DYRK4: variants seen among roughly 807,000 people sequenced by gnomAD.
DYRK4 encodes the protein dual specificity tyrosine-phosphorylation-regulated kinase 4.
Under a neutral mutation model 68.3 loss-of-function variants are expected in DYRK4, and 64 were observed. The ratio of observed to expected loss-of-function variants is 0.94; its 90% CI spans 0.77 to 1.15. DYRK4 has a LOEUF of 1.15. Among genes scored for constraint, DYRK4 ranks in the 50% most tolerant of loss-of-function variants. The probability of loss-of-function intolerance (pLI) is 0.00; values close to 1 mark genes in which losing one functional copy is unlikely to be tolerated. For missense variants in DYRK4, 740 were observed against 764.7 expected, an observed-to-expected ratio of 0.97 and a Z score of 0.38; for synonymous variants, 274 against 289.9, an observed-to-expected ratio of 0.95 and a Z score of 0.56.
chr12:4,612,574 C>T lies in DYRK4; in HGVS notation c.1522C>T (p.Gln508Ter). Residue 508 changes from glutamine (Q) to a stop codon, truncating the protein, a stop_gained, in exon 14 of 15, where the codon CAG becomes TAG. Transcript: ENST00000543431. LOFTEE classifies it high-confidence loss of function. The part of the protein sequence containing the change: ...WEPSLRMTPD[Q>*]ALKHAWIHQS... ...ACCTTCTCTTCGCATGACCCCGGAC[C>T]AGGCCCTCAAGCATGCTTGGATTCA... 1 of 1,614,210 alleles carries T rather than the reference C, an allele frequency of 6.2e-7. No homozygotes were observed. The highest frequency in any genetic ancestry group is 1.1e-5 in the South Asian group (1 of 91,080).
chr12:4,583,455 A>G (rs1386722692), intron 2 of DYRK4, among the ~76,000 whole-genome samples: 1 of 151,622 alleles, frequency 6.6e-6, no homozygotes, highest in Non-Finnish European at 1.5e-5. Flanking sequence ...CTCTGTGACC[A>G]TTCCCTCTTG....
chr12:4,610,001 T>A, intron 12 of DYRK4, 154 bp from the exon 13 acceptor site: 1 of 419,722 alleles, frequency 2.4e-6, no homozygotes, highest in Non-Finnish European at 4.1e-6. Context: ...TATTTCAAAC[T>A]GAGTGTGTGT....
At chr12:4,567,450 C>A (rs1485116213) in intron 1 of DYRK4, 1 of 153,836 alleles carries the variant, frequency 6.5e-6, no homozygotes, top group African/African-American at 2.4e-5. Context: ...ACACTAGATT[C>A]CATAAATGTG....
rs151142755 is a variant in DYRK4 at position 4,594,402 on chromosome 12, T to G, written c.627+1237T>G. On this transcript the variant is annotated intron_variant, in intron 6 of 14. Transcript: ENST00000543431. ...CCACGCCTGGCTGATTTTTGTATTTTTAGTAGAGGCAGGGTTAAACCGTGT... is the reference window on the plus strand; with the variant it reads ...CCACGCCTGGCTGATTTTTGTATTTGTAGTAGAGGCAGGGTTAAACCGTGT... Among the ~76,000 whole-genome samples the G allele has an allele frequency of 7.7e-3, 1,177 of 152,216 alleles. 12 individuals carry two copies. The highest frequency in any genetic ancestry group is 0.027 in the African/African-American group (1,101 of 41,514).
rs145708938 is a variant in DYRK4 at position 4,577,306 on chromosome 12, T to A, written c.132+9258T>A. The stretch of plus-strand genomic sequence containing the variant: ...CTGGTCTCAAACTCATGACCTCAAG[T>A]GATCCTCTGGCCTCAGCCTCCTTGA... On this transcript the variant is annotated intron_variant, in intron 2 of 14. Coordinates refer to ENST00000543431, the MANE Select transcript of DYRK4 (RefSeq NM_001394779.1). Among the ~76,000 whole-genome samples, 312 of 152,312 alleles carry A rather than the reference T, an allele frequency of 2.0e-3. 3 individuals are homozygous for A. The highest frequency in any genetic ancestry group is 6.9e-3 in the African/African-American group (285 of 41,572).
chr12:4,607,465 T>G lies in DYRK4; in HGVS notation c.1360+78T>G. 3 of 1,507,606 alleles carry G rather than the reference T, an allele frequency of 2.0e-6. No individual in the cohort carries two copies. The South Asian group carries it at 3.4e-5, about 17-fold the overall frequency. The allele number at this position is 1,507,606 out of a possible 1,614,324, so 93.4% of individuals were successfully genotyped here. On this transcript the variant is annotated intron_variant, in intron 12 of 14. Transcript: ENST00000543431. ...TACCTTAAGGCTCATTTCATTCTTT[T>G]CCCCTGGCCACATACCAAAGGGCTG...
chr12:4,585,676 T>TA (rs1213483839), intron 2 of DYRK4, among the ~76,000 whole-genome samples: 3 of 152,134 alleles, frequency 2.0e-5, no homozygotes, highest in Admixed American at 2.0e-4. Flanking sequence ...ATACCTAATG[T>TA]AAATGATGAG....
intron 11 of DYRK4, among the ~76,000 whole-genome samples, 197 bp from the exon 12 acceptor site, chr12:4,607,130 A>T (rs947248362): frequency 5.9e-5 from 9 of 152,182 alleles, no homozygotes; most frequent in Non-Finnish European, 1.3e-4. Context: ...GTTGATTCTT[A>T]GGATATGAAA....
At chr12:4,569,416 G>T (rs1242012222) in intron 2 of DYRK4, among the ~76,000 whole-genome samples, 1 of 152,118 alleles carries the variant, frequency 6.6e-6, no homozygotes, top group African/African-American at 2.4e-5. Context: ...TCATCATGAG[G>T]TTTGCAACTT....
intron 2 of DYRK4, chr12:4,573,381 C>G: frequency 7.8e-7 from 1 of 1,289,228 alleles, no homozygotes; most frequent in Non-Finnish European, 1.0e-6. Flanking sequence ...CTTTGTTCTG[C>G]GTGTTCATTG....
At chr12:4,566,900 A>G (rs1185038285) in intron 1 of DYRK4, among the ~76,000 whole-genome samples, 2 of 152,238 alleles carry the variant, frequency 1.3e-5, no homozygotes, top group Admixed American at 1.3e-4. Context: ...ATCTTTCAAT[A>G]TGCCTGTATA....
chr12:4,580,075 T>C (rs1325065743), intron 2 of DYRK4, among the ~76,000 whole-genome samples: 1 of 152,202 alleles, frequency 6.6e-6, no homozygotes, highest in African/African-American at 2.4e-5. Context: ...TCACATTCAT[T>C]ATCATGATTT....
chr12:4,592,824 G>A, intron 5 of DYRK4, 178 bp from the exon 6 acceptor site: 1 of 632,602 alleles, frequency 1.6e-6, no homozygotes, highest in South Asian at 2.3e-5. Flanking sequence ...ACAAGACCTT[G>A]ACATTTATTC....
In DYRK4 at chr12:4,604,934, C is replaced by T. The variant is rs1413797034; in HGVS notation, c.1147C>T (p.Arg383Trp). The T allele has an allele frequency of 1.2e-6, 2 of 1,610,846 alleles. No individual in the cohort carries two copies. The highest frequency in any genetic ancestry group is 1.7e-6 in the Non-Finnish European group (2 of 1,178,274). ...HQKVYTYIQSRFYRSPEVILG... is the reference protein window; with the variant it reads ...HQKVYTYIQSWFYRSPEVILG... ...CGCAGTATACACGTACATCCAAAGC[C>T]GGTTCTACCGATCCCCAGAAGTGAT... The change falls in exon 11 of 15, where the codon CGG becomes TGG. Residue 383 changes from arginine (R) to tryptophan (W), a missense_variant. Physicochemically the swap from Arg to Trp is moderately radical, Grantham distance 101. Coordinates refer to ENST00000543431, the MANE Select transcript of DYRK4 (RefSeq NM_001394779.1).
At chr12:4,583,159 C>G (rs898515380) in intron 2 of DYRK4, among the ~76,000 whole-genome samples, 26 of 152,180 alleles carry the variant, frequency 1.7e-4, no homozygotes, top group South Asian at 1.0e-3. Flanking sequence ...GCTCCATGAC[C>G]GAGGCTAGAG....
At chr12:4,590,970 T>C in intron 4 of DYRK4, 190 bp from the exon 5 acceptor site, 1 of 661,012 alleles carries the variant, frequency 1.5e-6, no homozygotes, top group Non-Finnish European at 2.5e-6. Flanking sequence ...CCAGGAATAG[T>C]GTCAGTCAGA....
chr12:4,580,316 C>T (rs1478610254), intron 2 of DYRK4, among the ~76,000 whole-genome samples: 2 of 152,186 alleles, frequency 1.3e-5, no homozygotes, highest in African/African-American at 2.4e-5. Context: ...AGGCTGGCCA[C>T]GTTCGTCCCA....
Position 4,597,077 on chromosome 12 carries a change from G to A in DYRK4, c.905+348G>A, listed in dbSNP as rs71459913. On this transcript the variant is annotated intron_variant, in intron 8 of 14. Transcript: ENST00000543431. ...CATTTTCCCCACTCATTGGCTTTCT[G>A]GCCTGGTCGTGCAGAGGCTGAAACC... The A allele has an allele frequency of 2.8e-3, 3,096 of 1,121,968 alleles. 12 individuals carry two copies. Among genetic ancestry groups the A allele is most frequent in the Non-Finnish European group, 3.1e-3 (2,855 of 914,872 alleles). 69.5% of individuals were successfully genotyped at this position (1,121,968 alleles called of 1,614,324 possible). A position where few individuals can be genotyped will look rare whatever the true frequency, so the allele number is the denominator to read the frequency against.
intron 10 of DYRK4, 87 bp downstream of exon 10, chr12:4,599,875 C>A: frequency 8.9e-7 from 1 of 1,120,736 alleles, no homozygotes; most frequent in Non-Finnish European, 1.3e-6. Context: ...TTCTAGGCTG[C>A]GCTCAGCTGT....
Sources: gnomAD v4.1 joint callset for allele counts (sites outside exome capture counted in the v4.1 genomes callset) on GRCh38, gnomAD v4.1.1 for gene constraint, MANE v1.5 for transcripts, NCBI Gene and HGNC (gene_info 2026-07-23, HGNC 2026-07-21) for gene names.